ZFHX3: variants seen among roughly 807,000 people sequenced by gnomAD.
ZFHX3 encodes the protein zinc finger homeobox 3.
In ZFHX3, 42 loss-of-function variants were observed where a neutral mutation model predicts 279.1. That is an observed-to-expected ratio of 0.15 (90% CI 0.12 to 0.19). The LOEUF is 0.19. Among genes scored for constraint, ZFHX3 ranks in the 10% least tolerant of loss-of-function variants. The probability of loss-of-function intolerance (pLI) is 1.00; values close to 1 mark genes in which losing one functional copy is unlikely to be tolerated. For missense variants in ZFHX3, 4,981 were observed against 4,754.0 expected (o/e 1.05, Z -1.40); for synonymous variants, 2,293 against 1,957.8 (o/e 1.17, Z -4.52).
intron 4 of ZFHX3, among the ~76,000 whole-genome samples, chr16:73,278,935 G>C (rs548503991): frequency 6.6e-6 from 1 of 152,308 alleles, no homozygotes; most frequent in Admixed American, 6.5e-5. Context: ...AGTCCAGCTG[G>C]CTTCACCTCT....
At chr16:73,558,197 A>AT (rs1183442461) in intron 2 of ZFHX3, 1 of 152,162 alleles carries the variant, frequency 6.6e-6, no homozygotes, top group Non-Finnish European at 1.5e-5. Context: ...TTTATGGGAG[A>AT]TTTCTAATGT....
chr16:73,409,120 AG>A (rs2017418740), intron 3 of ZFHX3, among the ~76,000 whole-genome samples: 1 of 152,204 alleles, frequency 6.6e-6, no homozygotes, highest in African/African-American at 2.4e-5. Flanking sequence ...CACCCAAATG[AG>A]CAGCTTACTT....
chr16:73,187,047 G>C (rs377353478), intron 5 of ZFHX3, among the ~76,000 whole-genome samples: 1 of 152,100 alleles, frequency 6.6e-6, no homozygotes, highest in Non-Finnish European at 1.5e-5. Flanking sequence ...GTTGTGGAAA[G>C]ACTGTGGAAA....
chr16:73,255,030 A>C (rs1196390455), intron 5 of ZFHX3, among the ~76,000 whole-genome samples: 2 of 152,148 alleles, frequency 1.3e-5, no homozygotes, highest in Non-Finnish European at 1.5e-5. Flanking sequence ...CGAACATCAA[A>C]ATGGTAGCAG....
chr16:73,710,101 T>G (rs2053344122), intron 1 of ZFHX3, among the ~76,000 whole-genome samples: 1 of 152,160 alleles, frequency 6.6e-6, no homozygotes, highest in African/African-American at 2.4e-5. Flanking sequence ...GAGAATTTCT[T>G]GAACCTGGGA....
intron 3 of ZFHX3, among the ~76,000 whole-genome samples, chr16:73,326,104 G>C (rs1274703819): frequency 6.6e-6 from 1 of 152,198 alleles, no homozygotes; most frequent in Non-Finnish European, 1.5e-5. Context: ...TGGAGAGATA[G>C]AAGCTCAGAG....
intron 4 of ZFHX3, among the ~76,000 whole-genome samples, chr16:72,836,930 G>A (rs936209879): frequency 6.6e-6 from 1 of 152,164 alleles, no homozygotes; most frequent in African/African-American, 2.4e-5. Flanking sequence ...CATCAGAAGT[G>A]TAATATTTTC....
At chr16:73,318,860 C>T (rs187484074) in intron 3 of ZFHX3, among the ~76,000 whole-genome samples, 45 of 152,260 alleles carry the variant, frequency 3.0e-4, no homozygotes, top group African/African-American at 1.0e-3. Flanking sequence ...AACTTTTCAG[C>T]GCCCCTGCAT....
rs1567554969 is a variant in ZFHX3 at position 73,698,342 on chromosome 16, G to C, written c.-1607-18102C>G. On this transcript the variant is annotated intron_variant, in intron 1 of 17. Coordinates refer to the ZFHX3 transcript ENST00000641206. ...TAATGTGGAAGAAATAAGAGAAATA[G>C]AAAATTACCATTAGAACACCATAGT... Among the ~76,000 whole-genome samples, 2 of 152,146 alleles carry C rather than the reference G, an allele frequency of 1.3e-5. 1 individual carries two copies. Among genetic ancestry groups the C allele is most frequent in the East Asian group, 3.9e-4 (2 of 5,192 alleles).
intron 3 of ZFHX3, among the ~76,000 whole-genome samples, chr16:72,928,215 G>A (rs1441907710): frequency 1.3e-5 from 1 of 75,308 alleles, no homozygotes; most frequent in Non-Finnish European, 3.1e-5. Context: ...GGGGAGCGAA[G>A]GGGAGCGAGG....
At chr16:73,054,921 A>G (rs1045925346) in intron 1 of ZFHX3, among the ~76,000 whole-genome samples, 5 of 152,190 alleles carry the variant, frequency 3.3e-5, no homozygotes, top group Admixed American at 6.5e-5. Context: ...AGGGGAAAAA[A>G]ATACAGAAAA....
chr16:73,223,330 G>C (rs1030951261), intron 5 of ZFHX3, among the ~76,000 whole-genome samples: 3 of 152,060 alleles, frequency 2.0e-5, no homozygotes, highest in African/African-American at 7.2e-5. Flanking sequence ...ATCTGATAAA[G>C]GACTGTTATC....
At chr16:73,313,317 C>A (rs2015371346) in intron 4 of ZFHX3, among the ~76,000 whole-genome samples, 1 of 152,036 alleles carries the variant, frequency 6.6e-6, no homozygotes, top group South Asian at 2.1e-4. Flanking sequence ...TTGGGTAGTT[C>A]TTTATAGCAG....
At chr16:73,619,739 C>T (rs181516182) in intron 2 of ZFHX3, among the ~76,000 whole-genome samples, 140 of 152,114 alleles carry the variant, frequency 9.2e-4, no homozygotes, top group African/African-American at 2.7e-3. Flanking sequence ...GAATACCCTA[C>T]CCCATTTCCT....
intron 4 of ZFHX3, among the ~76,000 whole-genome samples, chr16:72,863,555 A>AGAGAG (rs1301972318): frequency 1.1e-4 from 15 of 141,712 alleles, no homozygotes; most frequent in African/African-American, 4.0e-4. Flanking sequence ...GAGAGAGAGA[A>AGAGAG]AGAAATAGGG....
At chr16:73,642,799 A>G (rs1244645106) in intron 2 of ZFHX3, among the ~76,000 whole-genome samples, 3 of 152,212 alleles carry the variant, frequency 2.0e-5, no homozygotes, top group Non-Finnish European at 1.5e-5. Context: ...CTGCCTCTAA[A>G]GGTTATTCAA....
rs1490242121 is a variant in ZFHX3, at chr16:73,807,976, C to A, written c.-1608+83675G>T. On this transcript the variant is annotated intron_variant, in intron 1 of 17. Coordinates refer to the ZFHX3 transcript ENST00000641206. ...TTTTACATTCAAGTATCACTTGCTT[C>A]AAATCGCATACCTACAAATGGAAGA... 3.3e-5 allele frequency among the ~76,000 whole-genome samples: 5 copies of A among 152,204 alleles called. No homozygotes were observed. The East Asian group carries it at 7.8e-4, about 24-fold the overall frequency.
At chr16:73,273,806 G>A (rs2014219853) in intron 4 of ZFHX3, among the ~76,000 whole-genome samples, 1 of 152,052 alleles carries the variant, frequency 6.6e-6, no homozygotes, top group African/African-American at 2.4e-5. Context: ...AGGTATATCT[G>A]CAAATTTCTA....
At chr16:73,769,987 T>C (rs1056560891) in intron 1 of ZFHX3, among the ~76,000 whole-genome samples, 12 of 152,226 alleles carry the variant, frequency 7.9e-5, no homozygotes, top group Non-Finnish European at 1.2e-4. Flanking sequence ...ATGTGATGAC[T>C]GACTACCATC....
Sources: allele counts gnomAD v4.1 joint callset (sites outside exome capture counted in the v4.1 genomes callset), GRCh38; gene constraint gnomAD v4.1.1; transcripts MANE v1.5; gene names NCBI Gene and HGNC (gene_info 2026-07-23, HGNC 2026-07-21).